The following CCDC170 variants were observed in gnomAD, a reference collection of about 807,000 sequenced individuals.
CCDC170 encodes the protein coiled-coil domain containing 170.
In CCDC170, 69 loss-of-function variants were observed where a neutral mutation model predicts 72.6. The observed-to-expected ratio is 0.95, with a 90% confidence interval of 0.78 to 1.16. The LOEUF is 1.16. Among genes scored for constraint, CCDC170 ranks in the 50% most tolerant of loss-of-function variants. CCDC170 has a pLI of 0.00. For missense variants in CCDC170, 852 were observed against 832.5 expected (o/e 1.02, Z -0.29); for synonymous variants, 300 against 303.9 (o/e 0.99, Z 0.13).
At chr6:151,611,039 AGGTTGAGGTGGG>A (rs1310522642) in intron 9 of CCDC170, among the ~76,000 whole-genome samples, 12 of 152,176 alleles carry the variant, frequency 7.9e-5, no homozygotes, top group Non-Finnish European at 1.5e-4. Context: ...GCACTTTGGG[AGGTTGAGGTGGG>A]CGGATCACAA....
At chr6:151,608,122 A>G (rs1776813884) in intron 9 of CCDC170, among the ~76,000 whole-genome samples, 1 of 152,074 alleles carries the variant, frequency 6.6e-6, no homozygotes, top group African/African-American at 2.4e-5. Context: ...AGCTCTCAAT[A>G]ATGTTTTTAA....
At chr6:151,537,942 A>T in intron 2 of CCDC170, 103 bp from the exon 3 acceptor site, 1 of 1,144,154 alleles carries the variant, frequency 8.7e-7, no homozygotes, top group Non-Finnish European at 1.2e-6. Context: ...TTAAGTCATG[A>T]ATAAAAGAGT....
intron 1 of CCDC170, among the ~76,000 whole-genome samples, chr6:151,511,295 C>A (rs982319975): frequency 1.3e-5 from 2 of 152,058 alleles, no homozygotes; most frequent in African/African-American, 4.8e-5. Context: ...CTATTGTTTG[C>A]CCCCTAGAGT....
At chr6:151,596,187 A>G (rs1203111133) in intron 8 of CCDC170, 148 bp from the exon 9 acceptor site, 1 of 995,796 alleles carries the variant, frequency 1.0e-6, no homozygotes, top group African/African-American at 1.6e-5. Flanking sequence ...AAAAAATGCA[A>G]TCAGGAAAAG....
chr6:151,501,660 G>A (rs1189206721), intron 1 of CCDC170, among the ~76,000 whole-genome samples: 3 of 152,188 alleles, frequency 2.0e-5, no homozygotes, highest in Non-Finnish European at 4.4e-5. Context: ...AGGTAGGGGA[G>A]AGCTTTTTGA....
At chr6:151,576,723 G>A (rs1325222839) in intron 6 of CCDC170, among the ~76,000 whole-genome samples, 1 of 152,026 alleles carries the variant, frequency 6.6e-6, no homozygotes, top group Admixed American at 6.6e-5. Context: ...TCATCTTCAC[G>A]TAAAATCAGG....
At chr6:151,608,742 T>G (rs911382607) in intron 9 of CCDC170, among the ~76,000 whole-genome samples, 1 of 152,186 alleles carries the variant, frequency 6.6e-6, no homozygotes, top group Non-Finnish European at 1.5e-5. Context: ...GGGGTCAGAC[T>G]GCCAGTGGTC....
chr6:151,502,718 A>G (rs1216364179), intron 1 of CCDC170, among the ~76,000 whole-genome samples: 3 of 152,240 alleles, frequency 2.0e-5, no homozygotes, highest in Non-Finnish European at 2.9e-5. Flanking sequence ...TGCTTAGTGA[A>G]TCATACATTG....
At chr6:151,548,529 T>C (rs770006066) in intron 5 of CCDC170, 40 bp downstream of exon 5, 22 of 1,440,624 alleles carry the variant, frequency 1.5e-5, no homozygotes, top group Middle Eastern at 3.7e-4. Context: ...TGGGACCATG[T>C]TGAAGAAGCA....
chr6:151,512,214 C>CAG (rs1200831017), intron 1 of CCDC170, among the ~76,000 whole-genome samples: 1 of 142,522 alleles, frequency 7.0e-6, no homozygotes, highest in Non-Finnish European at 1.5e-5. Flanking sequence ...GGCTGGAGTG[C>CAG]AGTGGCATAA....
At chr6:151,536,496 A>G (rs1309875713) in intron 2 of CCDC170, 50 bp downstream of exon 2, 7 of 1,602,204 alleles carry the variant, frequency 4.4e-6, no homozygotes, top group Non-Finnish European at 5.1e-6. Context: ...TTAGCTTCTT[A>G]TAAAATGAAA....
chr6:151,561,600 C>A (rs1170598494), intron 5 of CCDC170, among the ~76,000 whole-genome samples: 1 of 151,996 alleles, frequency 6.6e-6, no homozygotes, highest in Non-Finnish European at 1.5e-5. Context: ...AATAGGTTTT[C>A]TTCTCTAGGT....
At chr6:151,544,214 A>G (rs557784361) in intron 3 of CCDC170, among the ~76,000 whole-genome samples, 67 of 152,282 alleles carry the variant, frequency 4.4e-4, no homozygotes, top group African/African-American at 1.2e-3. Flanking sequence ...TGAGGCCCCA[A>G]TGAAGACCCA....
intron 5 of CCDC170, among the ~76,000 whole-genome samples, chr6:151,561,557 T>G (rs986650915): frequency 2.6e-5 from 4 of 152,158 alleles, no homozygotes; most frequent in African/African-American, 7.2e-5. Flanking sequence ...TTCTGGCTTG[T>G]AAAGTTTCTA....
At position 151,538,182 on chromosome 6, in the gene CCDC170, A is replaced by G; in HGVS notation, c.324A>G (p.Leu108=). 5 of 1,614,056 alleles carry G rather than the reference A, an allele frequency of 3.1e-6. No homozygotes were observed. The highest frequency in any genetic ancestry group is 3.4e-6 in the Non-Finnish European group (4 of 1,179,930). The change falls in exon 3 of 11, where the codon CTA becomes CTG. Residue 108 remains leucine (L), a synonymous_variant. Coordinates refer to ENST00000239374, the MANE Select transcript of CCDC170 (RefSeq NM_025059.4). ...CTTTGAGAGACAGAGTTCAGGAACTAGAAGAAGAATCAGCAGCACTTTCCA... is the reference window on the plus strand; with the variant it reads ...CTTTGAGAGACAGAGTTCAGGAACTGGAAGAAGAATCAGCAGCACTTTCCA... ...LTSLRDRVQE[L]EEESAALSTS... is the part of the protein sequence containing the mutation.
chr6:151,529,873 G>C (rs972813772), intron 1 of CCDC170, among the ~76,000 whole-genome samples: 1 of 152,086 alleles, frequency 6.6e-6, no homozygotes, highest in African/African-American at 2.4e-5. Context: ...AAGTCCAAAA[G>C]CATGGTGTGG....
intron 8 of CCDC170, among the ~76,000 whole-genome samples, chr6:151,595,058 TAGGC>T (rs1195291800): frequency 6.6e-6 from 1 of 152,182 alleles, no homozygotes; most frequent in Non-Finnish European, 1.5e-5. Context: ...CTGTCACTGT[TAGGC>T]AGGATACTCA....
At chr6:151,607,978 T>C (rs984077475) in intron 9 of CCDC170, among the ~76,000 whole-genome samples, 1 of 152,312 alleles carries the variant, frequency 6.6e-6, no homozygotes, top group Admixed American at 6.5e-5. Flanking sequence ...AATGCAAATA[T>C]TTGTTCACTT....
In CCDC170 at chr6:151,578,676, G is replaced by T. The variant is rs114307684; in HGVS notation, c.1092+5185G>T. 5.0e-3 allele frequency among the ~76,000 whole-genome samples: 762 copies of T among 152,328 alleles called. 6 individuals are homozygous for T. Among genetic ancestry groups the T allele is most frequent in the African/African-American group, 0.017 (727 of 41,578 alleles). On this transcript the variant is annotated intron_variant, in intron 6 of 10. Transcript: ENST00000239374. The stretch of plus-strand genomic sequence containing the variant: ...ACAAAAGTTGAGATGAACAGAGGAG[G>T]TGGGATAGAGTTAGCCAGTCAACAG...
Sources: gnomAD v4.1 joint callset for allele counts (sites outside exome capture counted in the v4.1 genomes callset) on GRCh38, gnomAD v4.1.1 for gene constraint, MANE v1.5 for transcripts, NCBI Gene and HGNC (gene_info 2026-07-23, HGNC 2026-07-21) for gene names.